CPQ: variants seen among roughly 807,000 people sequenced by gnomAD.
CPQ encodes carboxypeptidase Q.
In CPQ, 37 loss-of-function variants were observed where a neutral mutation model predicts 45.7. The observed-to-expected ratio is 0.81, with a 90% confidence interval of 0.62 to 1.07. The LOEUF is 1.07. Ranked by LOEUF, CPQ falls within the 50% of genes least tolerant of loss-of-function variation. The pLI is 0.00. For missense variants in CPQ, 537 were observed against 572.9 expected (o/e 0.94, Z 0.64); for synonymous variants, 186 against 205.8 (o/e 0.90, Z 0.82).
At chr8:96,674,879 A>G (rs1809054871) in intron 1 of CPQ, among the ~76,000 whole-genome samples, 1 of 152,146 alleles carries the variant, frequency 6.6e-6, no homozygotes, top group African/African-American at 2.4e-5. Flanking sequence ...TTTTGAAAAG[A>G]GTTAGTGTTG....
intron 4 of CPQ, among the ~76,000 whole-genome samples, chr8:96,904,350 C>G (rs916764511): frequency 6.6e-6 from 1 of 152,196 alleles, no homozygotes; most frequent in East Asian, 1.9e-4. Flanking sequence ...TGACATTTGC[C>G]TTTGGGATGC....
At chr8:97,021,856 G>GCAAA (rs753510327) in intron 5 of CPQ, among the ~76,000 whole-genome samples, 33 of 151,340 alleles carry the variant, frequency 2.2e-4, no homozygotes, top group East Asian at 7.8e-4. Context: ...GAATTTAAAA[G>GCAAA]CAAACAAACA....
intron 7 of CPQ, among the ~76,000 whole-genome samples, chr8:97,103,361 G>A (rs1343547282): frequency 6.6e-6 from 1 of 152,134 alleles, no homozygotes; most frequent in Non-Finnish European, 1.5e-5. Flanking sequence ...TGAACCTTGA[G>A]GCCATGAGGG....
In CPQ at chr8:96,712,747, G is replaced by T. The variant is rs116782223; in HGVS notation, c.-35+67345G>T. On this transcript the variant is annotated intron_variant, in intron 1 of 7. Coordinates refer to ENST00000220763, the MANE Select transcript of CPQ (RefSeq NM_016134.4). Reference sequence around the variant, plus strand: ...TTTTCCCTCCTAGGCCTCTGGGCTTGTAATAGTAGGGGCTGCCATGAAGGT... The same window carrying T: ...TTTTCCCTCCTAGGCCTCTGGGCTTTTAATAGTAGGGGCTGCCATGAAGGT... Among the ~76,000 whole-genome samples the T allele has an allele frequency of 6.6e-3, 1,011 of 152,290 alleles. 9 individuals are homozygous for T. Among genetic ancestry groups the T allele is most frequent in the African/African-American group, 0.022 (925 of 41,566 alleles).
At chr8:97,032,417 C>G (rs1366899260) in intron 6 of CPQ, among the ~76,000 whole-genome samples, 2 of 152,192 alleles carry the variant, frequency 1.3e-5, no homozygotes, top group African/African-American at 4.8e-5. Flanking sequence ...TCTACTCACA[C>G]TCCATTGGCA....
At chr8:96,983,851 T>C (rs1018972883) in intron 5 of CPQ, among the ~76,000 whole-genome samples, 2 of 151,842 alleles carry the variant, frequency 1.3e-5, no homozygotes, top group Non-Finnish European at 2.9e-5. Context: ...TTACTATTCC[T>C]TTTCTGACTT....
At chr8:96,682,948 T>C (rs1004006740) in intron 1 of CPQ, among the ~76,000 whole-genome samples, 5 of 152,198 alleles carry the variant, frequency 3.3e-5, no homozygotes, top group African/African-American at 1.2e-4. Context: ...TTCAAGGTTA[T>C]TATTGATAAA....
chr8:96,791,892 C>T (rs2130814982), intron 2 of CPQ, among the ~76,000 whole-genome samples: 1 of 152,282 alleles, frequency 6.6e-6, no homozygotes, highest in Non-Finnish European at 1.5e-5. Context: ...AATGTTGAAT[C>T]TGTAAGGTCT....
Position 97,054,105 on chromosome 8 carries a change from T to C in CPQ, c.1054-11904T>C, listed in dbSNP as rs527683427. Reference sequence around the variant, plus strand: ...GTCAAGTAGGCAGTTTGGTAAAAAGTATAGAGTTCAATGAATTGACATTTC... The same window carrying C: ...GTCAAGTAGGCAGTTTGGTAAAAAGCATAGAGTTCAATGAATTGACATTTC... On this transcript the variant is annotated intron_variant, in intron 6 of 7. Coordinates refer to ENST00000220763, the MANE Select transcript of CPQ (RefSeq NM_016134.4). 3.3e-5 allele frequency among the ~76,000 whole-genome samples: 5 copies of C among 152,160 alleles called. No homozygotes were observed. In the East Asian group the frequency reaches 9.7e-4, roughly 29 times the overall value.
At chr8:96,905,104 C>G (rs1480419075) in intron 4 of CPQ, among the ~76,000 whole-genome samples, 1 of 152,004 alleles carries the variant, frequency 6.6e-6, no homozygotes, top group Admixed American at 6.6e-5. Flanking sequence ...CCTCAGGAAA[C>G]ATACAATCAT....
intron 1 of CPQ, among the ~76,000 whole-genome samples, chr8:96,781,050 A>T (rs1810679020): frequency 6.6e-6 from 1 of 152,128 alleles, no homozygotes; most frequent in African/African-American, 2.4e-5. Context: ...TTAGTAGTTT[A>T]TGATTGTGCT....
At chr8:96,828,130 C>A (rs1811402199) in intron 2 of CPQ, among the ~76,000 whole-genome samples, 1 of 152,052 alleles carries the variant, frequency 6.6e-6, no homozygotes, top group Non-Finnish European at 1.5e-5. Context: ...GCCTACTATG[C>A]TTTATCTCCA....
chr8:97,015,745 A>C (rs1809568339), intron 5 of CPQ, among the ~76,000 whole-genome samples: 1 of 152,150 alleles, frequency 6.6e-6, no homozygotes, highest in Admixed American at 6.5e-5. Flanking sequence ...TCTATTTTTA[A>C]GAACTTGTCC....
intron 6 of CPQ, among the ~76,000 whole-genome samples, chr8:97,052,249 T>G (rs934204690): frequency 3.9e-5 from 6 of 152,222 alleles, no homozygotes; most frequent in Non-Finnish European, 8.8e-5. Context: ...TTGGATTTTT[T>G]CAGTAATTGC....
chr8:96,833,143 CTG>C (rs1190641386), intron 2 of CPQ, among the ~76,000 whole-genome samples: 2 of 152,084 alleles, frequency 1.3e-5, no homozygotes, highest in Non-Finnish European at 2.9e-5. Flanking sequence ...TCAGAGATGA[CTG>C]TGAGTTTTCA....
chr8:96,659,227 C>T (rs1443823105), intron 1 of CPQ: 1 of 152,124 alleles, frequency 6.6e-6, no homozygotes, highest in African/African-American at 2.4e-5. Flanking sequence ...AGGTGTTTTT[C>T]ACTCTCATTT....
intron 1 of CPQ, among the ~76,000 whole-genome samples, chr8:96,738,651 CT>C (rs745738769): frequency 1.5e-3 from 225 of 152,150 alleles, no homozygotes; most frequent in Non-Finnish European, 2.7e-3. Context: ...TGATGTTCCC[CT>C]TCCTGTGTCC....
At chr8:97,006,075 A>C (rs1464981120) in intron 5 of CPQ, among the ~76,000 whole-genome samples, 1 of 152,220 alleles carries the variant, frequency 6.6e-6, no homozygotes, top group East Asian at 1.9e-4. Flanking sequence ...CAGTGCTGCT[A>C]ACAGAGACCA....
intron 1 of CPQ, among the ~76,000 whole-genome samples, chr8:96,680,290 T>G (rs570456527): frequency 2.6e-4 from 40 of 152,286 alleles, no homozygotes; most frequent in African/African-American, 9.6e-4. Context: ...ACTGATATGG[T>G]TTGGCTGTGT....
Sources: gnomAD v4.1 joint callset for allele counts (sites outside exome capture counted in the v4.1 genomes callset) on GRCh38, gnomAD v4.1.1 for gene constraint, MANE v1.5 for transcripts, NCBI Gene and HGNC (gene_info 2026-07-23, HGNC 2026-07-21) for gene names.